The following TLL2 variants were observed in gnomAD, a reference collection of about 807,000 sequenced individuals.
TLL2 encodes the protein tolloid like 2.
Under a neutral mutation model 123.0 loss-of-function variants are expected in TLL2, and 106 were observed. That is an observed-to-expected ratio of 0.86 (90% confidence interval 0.74 to 1.01). TLL2 has a LOEUF of 1.01. Ranked by LOEUF, TLL2 falls within the 50% of genes least tolerant of loss-of-function variation. The pLI is 0.00. For missense variants in TLL2, 1,332 were observed against 1,336.7 expected (o/e 1.00, Z 0.06); for synonymous variants, 494 against 516.8 (o/e 0.96, Z 0.60).
chr10:96,405,262 C>G lies in TLL2; in HGVS notation c.1237G>C (p.Asp413His). The G allele has an allele frequency of 6.2e-7, 1 of 1,614,154 alleles. No homozygotes were observed. ...LCWYDYVEVR[D>H]GYWRKAPLLG... The stretch of plus-strand genomic sequence containing the variant: ...AGGGGGGCTTTTCTCCAGTAACCAT[C>G]CCGGACCTCCACGTAATCATACCAG... The change falls in exon 10 of 21, where the codon GAT becomes CAT. Residue 413 changes from aspartate (D) to histidine (H), a missense_variant. Coordinates refer to ENST00000357947, the MANE Select transcript of TLL2 (RefSeq NM_012465.4).
chr10:96,499,949 G>A (rs960344802), intron 1 of TLL2, among the ~76,000 whole-genome samples: 2 of 151,926 alleles, frequency 1.3e-5, no homozygotes, highest in Non-Finnish European at 2.9e-5. Flanking sequence ...TTTAAAACTA[G>A]AATATAAACT....
intron 1 of TLL2, among the ~76,000 whole-genome samples, chr10:96,495,419 G>A (rs1847462275): frequency 6.6e-6 from 1 of 152,032 alleles, no homozygotes; most frequent in African/African-American, 2.4e-5. Context: ...AAGTTAATCG[G>A]CTTAAAGTGT....
chr10:96,384,448 G>T (rs1320844678), intron 16 of TLL2, 139 bp downstream of exon 16: 3 of 805,720 alleles, frequency 3.7e-6, no homozygotes, highest in Admixed American at 3.4e-5. Context: ...GATCTGGCAC[G>T]CCCCCTCCAA....
intron 1 of TLL2, among the ~76,000 whole-genome samples, chr10:96,489,256 C>T (rs1362412148): frequency 2.0e-5 from 3 of 152,222 alleles, no homozygotes; most frequent in African/African-American, 7.2e-5. Flanking sequence ...AAGCCAGGTG[C>T]AGTGGCTCAC....
intron 2 of TLL2, among the ~76,000 whole-genome samples, chr10:96,448,546 T>C (rs1253464058): frequency 6.6e-6 from 1 of 152,182 alleles, no homozygotes. Flanking sequence ...ATCCAACACC[T>C]GCTACAGGCC....
chr10:96,444,498 A>G (rs965629045), intron 3 of TLL2, among the ~76,000 whole-genome samples: 1 of 152,220 alleles, frequency 6.6e-6, no homozygotes, highest in African/African-American at 2.4e-5. Flanking sequence ...ATATGATTCT[A>G]TGTTTTAAAA....
intron 1 of TLL2, among the ~76,000 whole-genome samples, chr10:96,480,917 C>T (rs931048628): frequency 6.6e-6 from 1 of 152,198 alleles, no homozygotes; most frequent in Non-Finnish European, 1.5e-5. Context: ...GCCACACAGC[C>T]TGCTCTAATT....
At chr10:96,496,567 G>A (rs1045234329) in intron 1 of TLL2, among the ~76,000 whole-genome samples, 22 of 152,144 alleles carry the variant, frequency 1.4e-4, no homozygotes, top group Admixed American at 1.4e-3. Context: ...ACCTGGGCTG[G>A]CGACCACCTT....
intron 4 of TLL2, among the ~76,000 whole-genome samples, chr10:96,430,509 G>A (rs1240299368): frequency 6.6e-6 from 1 of 152,206 alleles, no homozygotes; most frequent in Non-Finnish European, 1.5e-5. Flanking sequence ...ACAGCACTGG[G>A]GGAGGCTCCC....
At chr10:96,409,478 T>C (rs1846481028) in intron 9 of TLL2, among the ~76,000 whole-genome samples, 1 of 152,208 alleles carries the variant, frequency 6.6e-6, no homozygotes, top group Non-Finnish European at 1.5e-5. Flanking sequence ...TGTAGAGACA[T>C]GTAGCAAAAA....
At chr10:96,491,811 C>T (rs1847416326) in intron 1 of TLL2, among the ~76,000 whole-genome samples, 1 of 152,118 alleles carries the variant, frequency 6.6e-6, no homozygotes, top group Non-Finnish European at 1.5e-5. Context: ...TGGCTGATTT[C>T]AGGTCACTGA....
At chr10:96,401,560 CA>C (rs776669305) in intron 10 of TLL2, among the ~76,000 whole-genome samples, 4,204 of 132,526 alleles carry the variant, frequency 0.032, 177 homozygotes, top group African/African-American at 0.1. Flanking sequence ...AAATATGAGC[CA>C]AAAAAAAAAA....
At chr10:96,439,889 T>C (rs897903646) in intron 3 of TLL2, among the ~76,000 whole-genome samples, 2 of 152,154 alleles carry the variant, frequency 1.3e-5, no homozygotes, top group Non-Finnish European at 2.9e-5. Context: ...TTTTTAAAAA[T>C]CTCCCTGTAC....
At chr10:96,483,369 C>T (rs1016158603) in intron 1 of TLL2, among the ~76,000 whole-genome samples, 5 of 152,194 alleles carry the variant, frequency 3.3e-5, no homozygotes, top group Admixed American at 2.0e-4. Flanking sequence ...CATGAAGGAA[C>T]GTTCCCCATC....
intron 2 of TLL2, among the ~76,000 whole-genome samples, chr10:96,472,058 T>C (rs1463160275): frequency 1.3e-5 from 2 of 152,114 alleles, no homozygotes; most frequent in East Asian, 3.8e-4. Context: ...CACCTAGCTT[T>C]GGAGGAGACA....
chr10:96,465,832 G>A (rs370289120), intron 2 of TLL2, among the ~76,000 whole-genome samples: 3 of 152,310 alleles, frequency 2.0e-5, no homozygotes, highest in African/African-American at 4.8e-5. Context: ...CTGTTGTTAC[G>A]CAACTCTGTT....
At chr10:96,446,064 C>T in intron 3 of TLL2, 27 bp downstream of exon 3, 1 of 1,611,772 alleles carries the variant, frequency 6.2e-7, no homozygotes, top group Non-Finnish European at 8.5e-7. Flanking sequence ...ACAAGGTACC[C>T]AAAGACCTGG....
intron 1 of TLL2, among the ~76,000 whole-genome samples, chr10:96,497,427 C>T (rs1847488318): frequency 6.6e-6 from 1 of 152,238 alleles, no homozygotes; most frequent in East Asian, 1.9e-4. Flanking sequence ...CTCCACTCTG[C>T]TCTGTGTCCA....
At chr10:96,500,717 CG>C (rs1387165994) in intron 1 of TLL2, among the ~76,000 whole-genome samples, 1 of 137,426 alleles carries the variant, frequency 7.3e-6, no homozygotes, top group Non-Finnish European at 1.5e-5. Context: ...GCCCGGGAGG[CG>C]GAGGCTGCAG....
Sources: allele counts gnomAD v4.1 joint callset (sites outside exome capture counted in the v4.1 genomes callset), GRCh38; gene constraint gnomAD v4.1.1; transcripts MANE v1.5; gene names NCBI Gene and HGNC (gene_info 2026-07-23, HGNC 2026-07-21).